The following CNTNAP2 variants were observed in gnomAD, a reference collection of about 807,000 sequenced individuals.
CNTNAP2 encodes contactin-associated protein-like 2.
A neutral mutation model predicts 155.2 loss-of-function variants in CNTNAP2; 98 were observed. The ratio of observed to expected loss-of-function variants is 0.63; its 90% confidence interval spans 0.54 to 0.75. The LOEUF is 0.75. Among genes scored for constraint, CNTNAP2 ranks in the 30% least tolerant of loss-of-function variants. CNTNAP2 has a pLI of 0.00. For synonymous variants in CNTNAP2, 651 were observed against 631.2 expected (o/e 1.03, Z -0.47); for missense variants, 1,727 against 1,688.1 (o/e 1.02, Z -0.40).
At chr7:148,098,444 GAAAAAAAA>G (rs61014019) in intron 15 of CNTNAP2, among the ~76,000 whole-genome samples, 11 of 56,406 alleles carry the variant, frequency 2.0e-4, no homozygotes, top group Non-Finnish European at 2.5e-4. Flanking sequence ...CTCTGTCTCA[GAAAAAAAA>G]AAAAAAAAAA....
intron 17 of CNTNAP2, among the ~76,000 whole-genome samples, chr7:148,148,517 A>G (rs1805237881): frequency 6.6e-6 from 1 of 152,206 alleles, no homozygotes; most frequent in Admixed American, 6.5e-5. Flanking sequence ...ACCCCTCTCT[A>G]GGGGGTCAAT....
intron 13 of CNTNAP2, among the ~76,000 whole-genome samples, chr7:147,837,112 G>A (rs983092577): frequency 4.6e-5 from 7 of 152,126 alleles, no homozygotes; most frequent in African/African-American, 7.2e-5. Context: ...TACCGTATTA[G>A]TCCATTTTCA....
At chr7:146,814,822 A>C (rs1803133276) in intron 2 of CNTNAP2, among the ~76,000 whole-genome samples, 1 of 152,202 alleles carries the variant, frequency 6.6e-6, no homozygotes, top group South Asian at 2.1e-4. Context: ...CAAAACTTAC[A>C]GTCATTTCTG....
At chr7:147,094,702 A>G (rs138556524) in intron 4 of CNTNAP2, among the ~76,000 whole-genome samples, 2 of 152,006 alleles carry the variant, frequency 1.3e-5, no homozygotes, top group Non-Finnish European at 2.9e-5. Context: ...TTTTTAAAGC[A>G]TGAACTTTGT....
chr7:147,815,599 C>T (rs1178305789), intron 13 of CNTNAP2, among the ~76,000 whole-genome samples: 1 of 152,168 alleles, frequency 6.6e-6, no homozygotes. Flanking sequence ...ATATGTCCCA[C>T]CCAGACAATC....
intron 21 of CNTNAP2, among the ~76,000 whole-genome samples, chr7:148,355,485 T>TA (rs1016279087): frequency 1.3e-5 from 2 of 152,178 alleles, no homozygotes; most frequent in African/African-American, 4.8e-5. Context: ...TAATGTCTGT[T>TA]ACTTACTCAA....
At chr7:148,315,057 C>T (rs1797663403) in intron 21 of CNTNAP2, among the ~76,000 whole-genome samples, 1 of 152,164 alleles carries the variant, frequency 6.6e-6, no homozygotes, top group Non-Finnish European at 1.5e-5. Flanking sequence ...AGGCCGCTTA[C>T]TGGATTTAAA....
At chr7:146,312,663 G>A (rs1427923701) in intron 1 of CNTNAP2, among the ~76,000 whole-genome samples, 1 of 152,058 alleles carries the variant, frequency 6.6e-6, no homozygotes, top group Non-Finnish European at 1.5e-5. Flanking sequence ...CATCACTAAA[G>A]TTCATTCCTT....
intron 20 of CNTNAP2, among the ~76,000 whole-genome samples, chr7:148,246,542 A>G (rs1390524616): frequency 6.6e-6 from 1 of 152,200 alleles, no homozygotes; most frequent in East Asian, 1.9e-4. Flanking sequence ...AACACCCCAC[A>G]TACGAGAATC....
intron 10 of CNTNAP2, among the ~76,000 whole-genome samples, chr7:147,463,712 CAG>C (rs1798064187): frequency 6.6e-6 from 1 of 152,120 alleles, no homozygotes; most frequent in Admixed American, 6.5e-5. Flanking sequence ...TGGCCTCTCA[CAG>C]AGAGATTTCT....
intron 13 of CNTNAP2, among the ~76,000 whole-genome samples, chr7:147,670,397 C>G (rs145713191): frequency 2.6e-5 from 4 of 152,274 alleles, no homozygotes; most frequent in African/African-American, 9.6e-5. Context: ...AAAACCCCAC[C>G]CTCAAGCCTG....
chr7:146,564,408 G>C (rs1363158706), intron 1 of CNTNAP2, among the ~76,000 whole-genome samples: 1 of 151,640 alleles, frequency 6.6e-6, no homozygotes, highest in Non-Finnish European at 1.5e-5. Context: ...AGAGAGGGTA[G>C]CTATGACCAT....
chr7:147,815,217 A>G (rs1255146600), intron 13 of CNTNAP2, among the ~76,000 whole-genome samples: 3 of 152,184 alleles, frequency 2.0e-5, no homozygotes, highest in Non-Finnish European at 4.4e-5. Flanking sequence ...GACTTAACCC[A>G]AACTTATTAT....
intron 13 of CNTNAP2, among the ~76,000 whole-genome samples, chr7:147,819,923 T>G (rs922696872): frequency 6.6e-6 from 1 of 152,194 alleles, no homozygotes; most frequent in African/African-American, 2.4e-5. Context: ...TGTGGCCATT[T>G]GGGATGTTTC....
chr7:147,384,961 A>C (rs1291244705), intron 9 of CNTNAP2, among the ~76,000 whole-genome samples: 1 of 152,188 alleles, frequency 6.6e-6, no homozygotes, highest in Non-Finnish European at 1.5e-5. Context: ...AAGAGGTTTA[A>C]TGGACTTACA....
intron 1 of CNTNAP2, among the ~76,000 whole-genome samples, chr7:146,135,953 G>A (rs62504793): frequency 0.16 from 25,064 of 152,038 alleles, 2,570 homozygotes; most frequent in East Asian, 0.28. Flanking sequence ...TTGATAGTCT[G>A]TGTGTGCATA....
At chr7:147,830,079 T>A (rs1436902410) in intron 13 of CNTNAP2, among the ~76,000 whole-genome samples, 1 of 151,996 alleles carries the variant, frequency 6.6e-6, no homozygotes. Flanking sequence ...GGACTTTGTT[T>A]CCATGGGGCA....
At chr7:147,686,674 A>G (rs923020604) in intron 13 of CNTNAP2, among the ~76,000 whole-genome samples, 10 of 152,032 alleles carry the variant, frequency 6.6e-5, no homozygotes, top group Non-Finnish European at 1.5e-4. Context: ...CAGTTAAGTA[A>G]GAGTAAAATC....
At chr7:147,167,357 T>C (rs1802134776) in intron 8 of CNTNAP2, 5 of 741,006 alleles carry the variant, frequency 6.7e-6, no homozygotes, top group Non-Finnish European at 1.0e-5. Flanking sequence ...GAAAGAAGAA[T>C]GTTCAGTACT....
Sources: gnomAD v4.1 joint callset for allele counts (sites outside exome capture counted in the v4.1 genomes callset) on GRCh38, gnomAD v4.1.1 for gene constraint, MANE v1.5 for transcripts, NCBI Gene and HGNC (gene_info 2026-07-23, HGNC 2026-07-21) for gene names.